FSD1L: variants seen among roughly 807,000 people sequenced by gnomAD.
The protein encoded by FSD1L is FSD1-like protein.
FSD1L carries 45 observed loss-of-function variants against 71.6 expected under a neutral mutation model. The ratio of observed to expected loss-of-function variants is 0.63; its 90% CI spans 0.49 to 0.81. The LOEUF is 0.81. Ranked by LOEUF, FSD1L falls within the 30% of genes least tolerant of loss-of-function variation. The pLI is 0.00. For synonymous variants in FSD1L, 197 were observed against 207.2 expected (o/e 0.95, Z 0.42); for missense variants, 561 against 618.1 (o/e 0.91, Z 0.98).
intron 10 of FSD1L, among the ~76,000 whole-genome samples, chr9:105,532,469 A>T (rs573799960): frequency 6.6e-6 from 1 of 152,248 alleles, no homozygotes; most frequent in Non-Finnish European, 1.5e-5. Context: ...GTGAAAACAT[A>T]TATTTTTGGT....
chr9:105,448,740 C>G (rs189429792), intron 1 of FSD1L, among the ~76,000 whole-genome samples: 1 of 152,188 alleles, frequency 6.6e-6, no homozygotes, highest in Non-Finnish European at 1.5e-5. Context: ...CCACCGCTCC[C>G]CTTCCCATGA....
chr9:105,466,950 C>T (rs765017408), intron 3 of FSD1L, among the ~76,000 whole-genome samples: 41 of 152,208 alleles, frequency 2.7e-4, no homozygotes, highest in Middle Eastern at 3.4e-3. Context: ...ACTACAACCT[C>T]GTTGCTGAAG....
At chr9:105,444,439 T>C (rs1476962281), upstream of FSD1L, among the ~76,000 whole-genome samples, 2 of 152,168 alleles carry the variant, frequency 1.3e-5, no homozygotes, top group Non-Finnish European at 1.5e-5. Flanking sequence ...GATGGCCCTA[T>C]ACTGACTCCC....
chr9:105,461,536 A>G lies in FSD1L; in HGVS notation c.32A>G (p.Asn11Ser), dbSNP rs1300507755. Residue 11 changes from asparagine to serine, a missense_variant, in exon 2 of 14, where the codon AAT (asparagine) becomes AGT (serine). Asn to Ser is a conservative substitution (Grantham distance 46). This residue lies in a region of FSD1L where 410 missense variants were observed against 413.5 expected (regional missense o/e 0.99). Coordinates refer to ENST00000481272, the MANE Select transcript of FSD1L (RefSeq NM_001145313.3). ...ATTGGACAGTACTGCTTTAAGGAGA[A>G]TGAAAACGTTACAGTTGATAAAGCC... MDSQKYCFKE[N>S]ENVTVDKACF... 4 of 1,550,266 alleles carry G rather than the reference A, an allele frequency of 2.6e-6. No homozygotes were observed. The highest frequency in any genetic ancestry group is 1.2e-5 in the South Asian group (1 of 84,012).
upstream of FSD1L, among the ~76,000 whole-genome samples, chr9:105,446,030 G>T (rs1829635054): frequency 6.6e-6 from 1 of 152,036 alleles, no homozygotes; most frequent in Non-Finnish European, 1.5e-5. Context: ...AGTTAAAAAA[G>T]GATGTATTAA....
At chr9:105,442,207 T>G in the FSD1L span, among the ~76,000 whole-genome samples, 1 of 152,256 alleles carries the variant, frequency 6.6e-6, no homozygotes, top group African/African-American at 2.4e-5. Flanking sequence ...CTCCCAGGCC[T>G]TCTCCCAGGA....
chr9:105,493,243 A>G (rs1833087488), intron 7 of FSD1L, among the ~76,000 whole-genome samples: 1 of 151,902 alleles, frequency 6.6e-6, no homozygotes, highest in Non-Finnish European at 1.5e-5. Flanking sequence ...TGATCCCTTT[A>G]CCATTATGTA....
rs909247798 is a variant in FSD1L, at chr9:105,520,397, GACA to G, written c.1025+7465_1025+7467del. On this transcript the variant is annotated intron_variant, in intron 10 of 13. Coordinates refer to ENST00000481272, the MANE Select transcript of FSD1L (RefSeq NM_001145313.3). ...ATCTATTGATCTTAAACAGTTTTTCGACAACATTTTTTACATATATACTATGTG... is the reference window on the plus strand; with the variant it reads ...ATCTATTGATCTTAAACAGTTTTTCGACATTTTTTACATATATACTATGTG... 89 of 1,152,284 alleles carry G rather than the reference GACA, an allele frequency of 7.7e-5. 1 individual carries two copies. Among genetic ancestry groups the G allele is most frequent in the Non-Finnish European group, 1.1e-4 (85 of 774,240 alleles). 71.4% of individuals were successfully genotyped at this position (1,152,284 alleles called of 1,614,324 possible).
At chr9:105,532,829 ATAT>A (rs1183575878) in intron 10 of FSD1L, among the ~76,000 whole-genome samples, 1 of 152,228 alleles carries the variant, frequency 6.6e-6, no homozygotes, top group Admixed American at 6.5e-5. Flanking sequence ...TTGCTACTTA[ATAT>A]TATACACTAA....
At chr9:105,513,390 C>CT (rs1161966282) in intron 10 of FSD1L, among the ~76,000 whole-genome samples, 1 of 152,072 alleles carries the variant, frequency 6.6e-6, no homozygotes, top group Non-Finnish European at 1.5e-5. Context: ...ACTGTCATAA[C>CT]TAACTTATTT....
rs530079100 is a variant in FSD1L at position 105,550,318 on chromosome 9, T to C, written c.*3835T>C. 64 of 152,184 alleles carry C rather than the reference T, an allele frequency of 4.2e-4. No individual in the cohort carries two copies. The highest frequency in any genetic ancestry group is 1.3e-3 in the African/African-American group (53 of 41,572). The allele number at this position is 152,184 out of a possible 1,614,324, so 9.4% of individuals were successfully genotyped here. A position where few individuals can be genotyped will look rare whatever the true frequency, so the allele number is the denominator to read the frequency against. ...CACATGTAATGGGCCTGAAAAAGTT[T>C]CTTCTTTGATTATGTAGTTACTCTA... is the stretch of plus-strand genomic sequence containing the variant. On this transcript the variant is annotated 3_prime_UTR_variant, in exon 14 of 14. Transcript: ENST00000481272.
At chr9:105,471,862 A>C (rs1831494679) in intron 4 of FSD1L, 42 bp from the exon 5 acceptor site, 3 of 785,540 alleles carry the variant, frequency 3.8e-6, no homozygotes, top group Non-Finnish European at 5.7e-6. Context: ...GGCAATAGGA[A>C]ACTTCATTTT....
At position 105,495,287 on chromosome 9, in the gene FSD1L, T is replaced by C. The variant is rs182992991; in HGVS notation, c.586+10785T>C. Among the ~76,000 whole-genome samples the C allele has an allele frequency of 7.2e-3, 1,094 of 152,196 alleles. 10 individuals carry two copies. Among genetic ancestry groups the C allele is most frequent in the African/African-American group, 0.025 (1,040 of 41,528 alleles). ...CTAGCAATCAGCGAGACTCCGTGGG[T>C]GTAGGACCCTCGGAGCCAGGTGCGG... On this transcript the variant is annotated intron_variant, in intron 7 of 13. Coordinates refer to ENST00000481272, the MANE Select transcript of FSD1L (RefSeq NM_001145313.3).
In FSD1L at chr9:105,461,591, ACC is replaced by A; in HGVS notation, c.88_89del (p.Pro30ArgfsTer4). 6.4e-7 allele frequency: 1 copy of A among 1,550,942 alleles called. No homozygotes were observed. Among genetic ancestry groups the A allele is most frequent in the South Asian group, 1.2e-5 (1 of 84,042 alleles). Reference protein sequence around the residue: ...CFLISNITIGPESINLQQEAL... With the variant: ...CFLISNITIGXESINLQQEAL... ...TTCTGATCTCTAACATCACTATTGG[ACC>A]AGAGTCTATTAACTTGCAGCAGGTT... On this transcript the variant is annotated frameshift_variant, in exon 2 of 14. Coordinates refer to ENST00000481272, the MANE Select transcript of FSD1L (RefSeq NM_001145313.3). LOFTEE classifies it high-confidence loss of function.
In FSD1L at chr9:105,506,475, A is replaced by C. The variant is rs1168879779; in HGVS notation, c.663A>C (p.Pro221=). Residue 221 remains proline (P), a synonymous_variant, in exon 8 of 14, where the codon CCA becomes CCC. Transcript: ENST00000481272. ...CTGTAACAGTGGCTTGGAGAATGCC[A>C]GAAGAAGATAATAAGATTGACCATT... ...DNSVTVAWRM[P]EEDNKIDHFI... is the part of the protein sequence containing the mutation. 3.2e-6 allele frequency: 5 copies of C among 1,551,454 alleles called. No individual in the cohort carries two copies. In the East Asian group the frequency reaches 1.2e-4, roughly 38 times the overall value.
intron 7 of FSD1L, 30 bp downstream of exon 7, chr9:105,484,532 G>C: frequency 7.2e-7 from 1 of 1,380,676 alleles, no homozygotes; most frequent in Non-Finnish European, 9.4e-7. Context: ...GTAAAGTTTT[G>C]TATAAAACTT....
intron 2 of FSD1L, among the ~76,000 whole-genome samples, chr9:105,462,443 A>G (rs1830765781): frequency 6.7e-6 from 1 of 149,006 alleles, no homozygotes; most frequent in Admixed American, 6.7e-5. Context: ...CTGGTTTCAA[A>G]CTTCTGACCT....
intron 1 of FSD1L, 23 bp downstream of exon 1, chr9:105,448,258 G>A (rs1829747943): frequency 6.5e-7 from 1 of 1,531,108 alleles, no homozygotes; most frequent in Non-Finnish European, 8.8e-7. Context: ...GGGGAGCCCG[G>A]GGCTACCGAG....
At chr9:105,457,902 T>C (rs1028084370) in intron 1 of FSD1L, among the ~76,000 whole-genome samples, 14 of 152,360 alleles carry the variant, frequency 9.2e-5, no homozygotes, top group African/African-American at 3.4e-4. Flanking sequence ...GGACCAAGCA[T>C]ACTGCAAGTG....
Sources: gnomAD v4.1 joint callset for allele counts (sites outside exome capture counted in the v4.1 genomes callset) on GRCh38, gnomAD v4.1.1 for gene constraint, gnomAD v4.1.1 regional missense constraint, MANE v1.5 for transcripts, NCBI Gene and HGNC (gene_info 2026-07-23, HGNC 2026-07-21) for gene names.